The following SLC4A4 variants were observed in gnomAD, a reference collection of about 807,000 sequenced individuals.
SLC4A4 encodes the protein solute carrier family 4 member 4.
In SLC4A4, 27 loss-of-function variants were observed where a neutral mutation model predicts 111.5. That is an observed-to-expected ratio of 0.24 (90% CI 0.18 to 0.33). SLC4A4 has a LOEUF of 0.33. Ranked by LOEUF, SLC4A4 falls within the 10% of genes least tolerant of loss-of-function variation. The probability of loss-of-function intolerance (pLI) is 1.00; values close to 1 mark genes in which losing one functional copy is unlikely to be tolerated. For synonymous variants in SLC4A4, 443 were observed against 463.4 expected (o/e 0.96, Z 0.57); for missense variants, 909 against 1,315.5 (o/e 0.69, Z 4.78).
chr4:71,363,796 G>A (rs1000275751), intron 6 of SLC4A4, among the ~76,000 whole-genome samples: 4 of 152,138 alleles, frequency 2.6e-5, no homozygotes, highest in African/African-American at 9.7e-5. Context: ...GTCCTGACCA[G>A]AACCCAAATA....
At chr4:71,127,159 T>G (rs948305756) in intron 2 of SLC4A4, among the ~76,000 whole-genome samples, 2 of 152,114 alleles carry the variant, frequency 1.3e-5, no homozygotes, top group African/African-American at 4.8e-5. Context: ...AGGAAGAAAA[T>G]CAGAGTGGAA....
intron 1 of SLC4A4, among the ~76,000 whole-genome samples, chr4:71,227,227 A>G (rs564889269): frequency 6.6e-5 from 10 of 152,272 alleles, no homozygotes; most frequent in African/African-American, 2.4e-4. Flanking sequence ...TATATTAATT[A>G]GAGGAAATAG....
At chr4:71,518,419 G>A (rs1732611268) in intron 16 of SLC4A4, among the ~76,000 whole-genome samples, 1 of 152,072 alleles carries the variant, frequency 6.6e-6, no homozygotes, top group South Asian at 2.1e-4. Flanking sequence ...TATATGCATG[G>A]TACTTACCTG....
chr4:71,543,095 A>G (rs1407418516), intron 18 of SLC4A4, among the ~76,000 whole-genome samples: 5 of 152,160 alleles, frequency 3.3e-5, no homozygotes, highest in African/African-American at 9.6e-5. Context: ...AGGAGATGGT[A>G]TGTTGAGAGG....
At position 71,450,535 on chromosome 4, in the gene SLC4A4, T is replaced by A. The variant is rs778414868; in HGVS notation, c.1200T>A (p.Ser400=). 6.2e-7 allele frequency: 1 copy of A among 1,613,374 alleles called. No homozygotes were observed. ...AGCCTCCTAAGAGTCTTCCATCCTC[T>A]GACAAAAGGTAAATTATAGGCAGTT... ...RIEPPKSLPS[S]DKRKNMYSGG... Residue 400 remains serine, a synonymous_variant, in exon 10 of 26, where the codon TCT becomes TCA. Coordinates refer to ENST00000264485, the MANE Select transcript of SLC4A4 (RefSeq NM_001098484.3).
intron 20 of SLC4A4, among the ~76,000 whole-genome samples, chr4:71,551,595 C>A (rs1736001146): frequency 6.6e-6 from 1 of 151,848 alleles, no homozygotes; most frequent in Non-Finnish European, 1.5e-5. Context: ...ATAATAGAGT[C>A]AAAATGTGAA....
At chr4:71,466,979 G>GAGAGAGAGAGA (rs1363275518) in intron 13 of SLC4A4, among the ~76,000 whole-genome samples, 198 of 145,876 alleles carry the variant, frequency 1.4e-3, no homozygotes, top group East Asian at 2.6e-3. Flanking sequence ...GAGAGAGAGA[G>GAGAGAGAGAGA]GTCTGAGTAT....
intron 2 of SLC4A4, among the ~76,000 whole-genome samples, chr4:71,166,767 G>A (rs1264553076): frequency 6.6e-6 from 1 of 152,112 alleles, no homozygotes; most frequent in African/African-American, 2.4e-5. Context: ...CAGATTCCTT[G>A]TCTGTCTCAT....
At chr4:71,544,849 A>G (rs746088130) in intron 18 of SLC4A4, among the ~76,000 whole-genome samples, 3 of 152,024 alleles carry the variant, frequency 2.0e-5, no homozygotes, top group African/African-American at 7.2e-5. Context: ...CCCTCAGTAG[A>G]ATGGAGACTC....
At chr4:71,446,864 A>T (rs1725279677) in intron 8 of SLC4A4, among the ~76,000 whole-genome samples, 1 of 152,224 alleles carries the variant, frequency 6.6e-6, no homozygotes, top group South Asian at 2.1e-4. Context: ...CCACAGTGCC[A>T]ACATGCCACA....
intron 18 of SLC4A4, among the ~76,000 whole-genome samples, chr4:71,545,783 A>G (rs953427236): frequency 6.6e-6 from 1 of 152,074 alleles, no homozygotes; most frequent in African/African-American, 2.4e-5. Context: ...GGATCCTTAC[A>G]TAAGTTGAGT....
intron 7 of SLC4A4, among the ~76,000 whole-genome samples, chr4:71,428,799 C>A (rs551702513): frequency 6.6e-6 from 1 of 151,894 alleles, no homozygotes; most frequent in Non-Finnish European, 1.5e-5. Context: ...AGATTAAAAT[C>A]ATCATGGAGG....
chr4:71,316,686 A>G (rs528377757), intron 3 of SLC4A4, among the ~76,000 whole-genome samples: 27 of 152,122 alleles, frequency 1.8e-4, no homozygotes, highest in African/African-American at 5.8e-4. Context: ...TGTATTAGCT[A>G]TTTATCTTGA....
At chr4:71,420,583 G>A (rs986660955) in intron 7 of SLC4A4, among the ~76,000 whole-genome samples, 1 of 152,226 alleles carries the variant, frequency 6.6e-6, no homozygotes, top group Non-Finnish European at 1.5e-5. Flanking sequence ...GGCAGCCAGA[G>A]AGAAAGGTCG....
intron 20 of SLC4A4, among the ~76,000 whole-genome samples, chr4:71,552,975 T>C (rs1475979881): frequency 6.6e-6 from 1 of 151,896 alleles, no homozygotes; most frequent in Non-Finnish European, 1.5e-5. Context: ...TTTTTAAGGA[T>C]TGACCTCCTG....
chr4:71,477,085 G>A (rs1035037392), intron 14 of SLC4A4, among the ~76,000 whole-genome samples: 2 of 151,700 alleles, frequency 1.3e-5, no homozygotes, highest in Admixed American at 6.6e-5. Context: ...AAATGTTAAT[G>A]TGATAAAGTG....
At chr4:71,319,598 ATTAC>A (rs754357608) in intron 3 of SLC4A4, among the ~76,000 whole-genome samples, 13 of 151,980 alleles carry the variant, frequency 8.6e-5, no homozygotes, top group Non-Finnish European at 1.8e-4. Context: ...ATTTGTTGGT[ATTAC>A]TTCTCAAAGA....
rs144027856 is a variant in SLC4A4, at chr4:71,212,208, T to G, written c.-1-24368T>G. Reference sequence around the variant, plus strand: ...TCTAATTTTCCCCTAAAATTTTGAGTTCTTTATCTCTATTGTTACTATTCT... The same window carrying G: ...TCTAATTTTCCCCTAAAATTTTGAGGTCTTTATCTCTATTGTTACTATTCT... On this transcript the variant is annotated intron_variant, in intron 1 of 25. Transcript: ENST00000264485. Among the ~76,000 whole-genome samples the G allele has an allele frequency of 3.9e-4, 59 of 152,348 alleles. No individual in the cohort carries two copies. In the East Asian group the frequency reaches 0.011, roughly 29 times the overall value.
chr4:71,428,791 A>G (rs1176428786), intron 7 of SLC4A4, among the ~76,000 whole-genome samples: 3 of 152,114 alleles, frequency 2.0e-5, no homozygotes, highest in Non-Finnish European at 2.9e-5. Flanking sequence ...AGATTTGAAG[A>G]TTAAAATCAT....
Sources: allele counts gnomAD v4.1 joint callset (sites outside exome capture counted in the v4.1 genomes callset), GRCh38; gene constraint gnomAD v4.1.1; transcripts MANE v1.5; gene names NCBI Gene and HGNC (gene_info 2026-07-23, HGNC 2026-07-21).